The following EFNA5 variants were observed in gnomAD, a reference collection of about 807,000 sequenced individuals.
The protein encoded by EFNA5 is ephrin-A5.
In EFNA5, 5 loss-of-function variants were observed where a neutral mutation model predicts 22.9. The ratio of observed to expected loss-of-function variants is 0.22; its 90% CI spans 0.11 to 0.46. The LOEUF (loss-of-function observed/expected upper bound fraction) is 0.46, where lower values mean the gene tolerates loss of function less well. Ranked by LOEUF, EFNA5 falls within the 20% of genes least tolerant of loss-of-function variation. The pLI is 0.99. For synonymous variants in EFNA5, 113 were observed against 112.2 expected, an observed-to-expected ratio of 1.01 and a Z score of -0.04; for missense variants, 237 against 293.3, an observed-to-expected ratio of 0.81 and a Z score of 1.40.
At chr5:107,635,851 G>C (rs764855832) in intron 1 of EFNA5, among the ~76,000 whole-genome samples, 3 of 152,184 alleles carry the variant, frequency 2.0e-5, no homozygotes, top group Non-Finnish European at 1.5e-5. Flanking sequence ...GGTCTCAGGA[G>C]TGAGCCAACA....
chr5:107,429,377 C>T (rs533686574), intron 1 of EFNA5, among the ~76,000 whole-genome samples: 10 of 152,184 alleles, frequency 6.6e-5, no homozygotes, highest in East Asian at 3.9e-4. Flanking sequence ...ACCTGGAAGG[C>T]GGAGGTTGCA....
chr5:107,423,093 G>T (rs1182042113), intron 2 of EFNA5, among the ~76,000 whole-genome samples: 3 of 152,072 alleles, frequency 2.0e-5, no homozygotes. Flanking sequence ...AAAGCTCCAA[G>T]AATTTCTGAA....
chr5:107,478,176 TCTC>T (rs1398949059), intron 1 of EFNA5, among the ~76,000 whole-genome samples: 1 of 152,110 alleles, frequency 6.6e-6, no homozygotes, highest in African/African-American at 2.4e-5. Context: ...GCTCCCTGCT[TCTC>T]CTCCTGATCC....
At chr5:107,660,051 C>T (rs1750913512) in intron 1 of EFNA5, among the ~76,000 whole-genome samples, 1 of 151,444 alleles carries the variant, frequency 6.6e-6, no homozygotes, top group Non-Finnish European at 1.5e-5. Flanking sequence ...ATGTTGTCTT[C>T]CCAAGAGTAT....
At chr5:107,514,791 G>A (rs1027452270) in intron 1 of EFNA5, among the ~76,000 whole-genome samples, 5 of 152,066 alleles carry the variant, frequency 3.3e-5, no homozygotes, top group East Asian at 1.9e-4. Context: ...CCTGCCTCCC[G>A]TCTCCTCTTT....
intron 1 of EFNA5, among the ~76,000 whole-genome samples, chr5:107,591,753 G>A (rs530927673): frequency 8.0e-4 from 112 of 140,424 alleles, no homozygotes; most frequent in African/African-American, 2.7e-3. Context: ...CCTGGGAGGC[G>A]GAAGTTGCAG....
At chr5:107,546,061 C>G (rs1452574388) in intron 1 of EFNA5, among the ~76,000 whole-genome samples, 1 of 152,078 alleles carries the variant, frequency 6.6e-6, no homozygotes, top group Non-Finnish European at 1.5e-5. Context: ...CAGTGGATTT[C>G]ACTGCCCAGA....
intron 1 of EFNA5, among the ~76,000 whole-genome samples, chr5:107,558,473 T>G (rs1748469731): frequency 1.3e-5 from 2 of 152,190 alleles, no homozygotes. Flanking sequence ...ATTACAGAGC[T>G]GAAGAAAGAG....
At chr5:107,594,752 G>A (rs1454753546) in intron 1 of EFNA5, among the ~76,000 whole-genome samples, 2 of 152,122 alleles carry the variant, frequency 1.3e-5, no homozygotes, top group African/African-American at 4.8e-5. Flanking sequence ...ATAGGCCTGG[G>A]GAAATGGGAG....
intron 1 of EFNA5, among the ~76,000 whole-genome samples, chr5:107,491,556 C>G (rs1033840094): frequency 8.5e-5 from 13 of 152,324 alleles, no homozygotes; most frequent in African/African-American, 2.6e-4. Context: ...GGTGATCCAC[C>G]TGCCTTGGCC....
Position 107,455,114 on chromosome 5 carries a change from C to T in EFNA5, c.126-27605G>A, listed in dbSNP as rs981479405. 5.3e-5 allele frequency among the ~76,000 whole-genome samples: 8 copies of T among 152,276 alleles called. No homozygotes were observed. The South Asian group carries it at 8.3e-4, about 16-fold the overall frequency. On this transcript the variant is annotated intron_variant, in intron 1 of 4. Transcript: ENST00000333274. ...TCAGTCAGCTGATGTCAAAACCTAA[C>T]GTCTTTTCCATGGCCTTACACATCT...
chr5:107,487,158 CTGAT>C (rs1746653207), intron 1 of EFNA5, among the ~76,000 whole-genome samples: 1 of 152,156 alleles, frequency 6.6e-6, no homozygotes, highest in African/African-American at 2.4e-5. Flanking sequence ...CGTCAGCACT[CTGAT>C]TGAGCCACAT....
chr5:107,566,068 G>T (rs1748660806), intron 1 of EFNA5, among the ~76,000 whole-genome samples: 1 of 152,152 alleles, frequency 6.6e-6, no homozygotes, highest in Non-Finnish European at 1.5e-5. Context: ...ATTCCCAGAA[G>T]ATTCTCTCAA....
intron 3 of EFNA5, 85 bp downstream of exon 3, chr5:107,387,621 A>C: frequency 1.1e-6 from 1 of 947,112 alleles, no homozygotes; most frequent in South Asian, 1.6e-5. Flanking sequence ...TAACAGTAAA[A>C]AAAAGTTTTA....
chr5:107,516,063 G>T (rs574295645), intron 1 of EFNA5, among the ~76,000 whole-genome samples: 1 of 152,204 alleles, frequency 6.6e-6, no homozygotes, highest in South Asian at 2.1e-4. Context: ...GAAGCGCAGT[G>T]GTATAATCAT....
At chr5:107,487,921 C>T (rs1346304964) in intron 1 of EFNA5, among the ~76,000 whole-genome samples, 1 of 152,194 alleles carries the variant, frequency 6.6e-6, no homozygotes, top group African/African-American at 2.4e-5. Flanking sequence ...TAGCAGACTA[C>T]TGTATTATAT....
chr5:107,584,773 A>G (rs1406181495), intron 1 of EFNA5, among the ~76,000 whole-genome samples: 4 of 152,308 alleles, frequency 2.6e-5, no homozygotes, highest in African/African-American at 7.2e-5. Flanking sequence ...TAGGCACTCA[A>G]TAAGTGTTTG....
intron 1 of EFNA5, among the ~76,000 whole-genome samples, chr5:107,612,116 T>G (rs963217885): frequency 1.3e-5 from 2 of 152,172 alleles, no homozygotes; most frequent in Non-Finnish European, 1.5e-5. Flanking sequence ...CTACCATGTC[T>G]CAAATAGCAC....
rs1365714352 is a variant in EFNA5, at chr5:107,605,916, T to G, written c.125+64573A>C. ...CTCTTGGCACTGAATAAAATGGTTT[T>G]CCAGGGGATGGAGTATCACTCTCAT... is the stretch of plus-strand genomic sequence containing the variant. On this transcript the variant is annotated intron_variant, in intron 1 of 4. Coordinates refer to ENST00000333274, the MANE Select transcript of EFNA5 (RefSeq NM_001962.3). Among the ~76,000 whole-genome samples, 3 of 152,214 alleles carry G rather than the reference T, an allele frequency of 2.0e-5. No individual in the cohort carries two copies. In the East Asian group the frequency reaches 5.8e-4, roughly 29 times the overall value.
Sources: allele counts gnomAD v4.1 joint callset (sites outside exome capture counted in the v4.1 genomes callset), GRCh38; gene constraint gnomAD v4.1.1; transcripts MANE v1.5; gene names NCBI Gene and HGNC (gene_info 2026-07-23, HGNC 2026-07-21).